ACTR2: variants seen among roughly 807,000 people sequenced by gnomAD.
The protein encoded by ACTR2 is actin-related protein 2.
A neutral mutation model predicts 50.2 loss-of-function variants in ACTR2; 5 were observed. The ratio of observed to expected loss-of-function variants is 0.10; its 90% CI spans 0.05 to 0.21. The LOEUF (loss-of-function observed/expected upper bound fraction) is 0.21. ACTR2 is among the 10% of genes least tolerant of loss of function. The probability of loss-of-function intolerance (pLI) is 1.00; values close to 1 mark genes in which losing one functional copy is unlikely to be tolerated. For missense variants in ACTR2, 180 were observed against 480.6 expected (o/e 0.37, Z 5.85); for synonymous variants, 140 against 162.9 (o/e 0.86, Z 1.07).
chr2:65,255,492 G>T, intron 5 of ACTR2, 53 bp from the exon 6 acceptor site: 3 of 1,530,750 alleles, frequency 2.0e-6, no homozygotes, highest in Non-Finnish European at 2.7e-6. Context: ...AGCTTTTGCA[G>T]AGTAGAACTC....
chr2:65,244,446 T>C (rs1239150061), intron 2 of ACTR2, among the ~76,000 whole-genome samples: 1 of 152,180 alleles, frequency 6.6e-6, no homozygotes, highest in Non-Finnish European at 1.5e-5. Flanking sequence ...AACTTGTATA[T>C]CCATCACCTG....
intron 2 of ACTR2, chr2:65,242,510 G>A (rs1243184676): frequency 5.5e-6 from 2 of 365,778 alleles, no homozygotes; most frequent in Non-Finnish European, 1.1e-5. Context: ...CATCTAGTGT[G>A]GTATCATATG....
In ACTR2 at chr2:65,256,416, G is replaced by A. The variant is rs547300133; in HGVS notation, c.735+722G>A. 7.2e-5 allele frequency among the ~76,000 whole-genome samples: 11 copies of A among 152,090 alleles called. No homozygotes were observed. In the East Asian group the frequency reaches 2.1e-3, roughly 29 times the overall value. On this transcript the variant is annotated intron_variant, in intron 6 of 8. Transcript: ENST00000260641. ...TTACCATCTTAAGCCTATTAAATTT[G>A]TCTGAGTATAAAGTACTTCCAGGTC...
At position 65,235,169 on chromosome 2, in the gene ACTR2, GGTGT is replaced by G. The variant is rs35663752; in HGVS notation, c.49-4665_49-4662del. Among the ~76,000 whole-genome samples, 255 of 149,876 alleles carry G rather than the reference GGTGT, an allele frequency of 1.7e-3. 1 individual carries two copies. The highest frequency in any genetic ancestry group is 3.4e-3 in the African/African-American group (138 of 40,928). ...ATTTGGGAGAGAAGAGTGTGTGAGA[GGTGT>G]GTGTGTGTGTGTGTGTGCACGTGGT... is the stretch of plus-strand genomic sequence containing the variant. On this transcript the variant is annotated intron_variant, in intron 1 of 8. Coordinates refer to ENST00000260641, the MANE Select transcript of ACTR2 (RefSeq NM_005722.4).
intron 1 of ACTR2, among the ~76,000 whole-genome samples, chr2:65,234,509 A>G (rs1294290099): frequency 1.3e-5 from 2 of 152,114 alleles, no homozygotes; most frequent in Admixed American, 6.6e-5. Flanking sequence ...TAACTTGGGA[A>G]ATGTTTGTTG....
At chr2:65,268,089 G>T (rs936942696) in intron 8 of ACTR2, among the ~76,000 whole-genome samples, 1 of 151,590 alleles carries the variant, frequency 6.6e-6, no homozygotes, top group African/African-American at 2.4e-5. Context: ...CGCCCGCCTT[G>T]GCCTCCCAAA....
chr2:65,232,938 A>G (rs1010686538), intron 1 of ACTR2, among the ~76,000 whole-genome samples: 5 of 152,146 alleles, frequency 3.3e-5, no homozygotes, highest in Admixed American at 2.6e-4. Context: ...GATACCAATG[A>G]TACCAAATGA....
intron 1 of ACTR2, among the ~76,000 whole-genome samples, chr2:65,229,704 C>T (rs1037518891): frequency 7.2e-6 from 1 of 138,912 alleles, no homozygotes; most frequent in Non-Finnish European, 1.5e-5. Flanking sequence ...TGCAGTGAGC[C>T]GAGATCGCAC....
intron 3 of ACTR2, among the ~76,000 whole-genome samples, chr2:65,248,158 C>A (rs1264689703): frequency 6.6e-6 from 1 of 151,908 alleles, no homozygotes; most frequent in African/African-American, 2.4e-5. Flanking sequence ...CCCAGCACTT[C>A]TGGGAGGCCG....
At chr2:65,245,718 T>C (rs1671924294) in intron 2 of ACTR2, among the ~76,000 whole-genome samples, 1 of 152,226 alleles carries the variant, frequency 6.6e-6, no homozygotes, top group African/African-American at 2.4e-5. Flanking sequence ...ACATCCTTAC[T>C]TATTATATAT....
intron 2 of ACTR2, among the ~76,000 whole-genome samples, chr2:65,243,257 C>G (rs1671875267): frequency 6.6e-6 from 1 of 151,850 alleles, no homozygotes; most frequent in Non-Finnish European, 1.5e-5. Context: ...CCAGCCTGGG[C>G]AAGAGTGAGA....
chr2:65,239,610 T>C (rs896324696), intron 1 of ACTR2, among the ~76,000 whole-genome samples: 5 of 152,200 alleles, frequency 3.3e-5, no homozygotes, highest in African/African-American at 1.2e-4. Context: ...AGGCTTTTGG[T>C]CTAGTGAGGG....
chr2:65,236,700 C>T (rs1420065528), intron 1 of ACTR2, among the ~76,000 whole-genome samples: 1 of 152,104 alleles, frequency 6.6e-6, no homozygotes, highest in Admixed American at 6.6e-5. Flanking sequence ...CATACCTCAG[C>T]CTCCCAAGTA....
intron 2 of ACTR2, among the ~76,000 whole-genome samples, chr2:65,244,941 CAAAAAAAAA>C (rs35780666): frequency 1.3e-5 from 1 of 77,062 alleles, no homozygotes; most frequent in African/African-American, 4.6e-5. Context: ...GACCCCATCT[CAAAAAAAAA>C]AAAAAAAAAG....
intron 1 of ACTR2, among the ~76,000 whole-genome samples, chr2:65,229,679 C>A (rs1298522750): frequency 1.3e-5 from 2 of 149,310 alleles, no homozygotes; most frequent in African/African-American, 5.0e-5. Context: ...TCGCTTGAAC[C>A]CGGTAGGCGG....
intron 1 of ACTR2, among the ~76,000 whole-genome samples, chr2:65,237,910 C>T (rs944915060): frequency 6.6e-6 from 1 of 152,018 alleles, no homozygotes; most frequent in Non-Finnish European, 1.5e-5. Flanking sequence ...AACCCGTGGG[C>T]GGGGGCGGTG....
At chr2:65,249,811 T>G (rs1329857708) in intron 3 of ACTR2, among the ~76,000 whole-genome samples, 1 of 152,094 alleles carries the variant, frequency 6.6e-6, no homozygotes, top group African/African-American at 2.4e-5. Context: ...GGTAGTTCAT[T>G]TGGAGGTTGT....
At chr2:65,241,865 A>C in intron 2 of ACTR2, 2 of 565,372 alleles carry the variant, frequency 3.5e-6, no homozygotes, top group Non-Finnish European at 5.9e-6. Context: ...TTCAGGAATA[A>C]CTGTCCATGT....
At chr2:65,229,390 A>C (rs1671592491) in intron 1 of ACTR2, among the ~76,000 whole-genome samples, 1 of 152,320 alleles carries the variant, frequency 6.6e-6, no homozygotes, top group African/African-American at 2.4e-5. Flanking sequence ...TTTGTTACAC[A>C]ATTTTACAAG....
Sources: gnomAD v4.1 joint callset for allele counts (sites outside exome capture counted in the v4.1 genomes callset) on GRCh38, gnomAD v4.1.1 for gene constraint, MANE v1.5 for transcripts, NCBI Gene and HGNC (gene_info 2026-07-23, HGNC 2026-07-21) for gene names.